The following NDRG2 variants were observed in gnomAD, a reference collection of about 807,000 sequenced individuals.
NDRG2 encodes the protein protein NDRG2.
In NDRG2, 34 loss-of-function variants were observed where a neutral mutation model predicts 58.2. That is an observed-to-expected ratio of 0.58 (90% confidence interval 0.44 to 0.78). The LOEUF (loss-of-function observed/expected upper bound fraction) is 0.78. NDRG2 is among the 30% of genes least tolerant of loss of function. The pLI is 0.00. For missense variants in NDRG2, 434 were observed against 471.2 expected, an observed-to-expected ratio of 0.92 and a Z score of 0.73; for synonymous variants, 187 against 175.9, an observed-to-expected ratio of 1.06 and a Z score of -0.50.
At chr14:21,021,596 C>A in intron 6 of NDRG2, 1 of 576,332 alleles carries the variant, frequency 1.7e-6, no homozygotes, top group Non-Finnish European at 3.1e-6. Context: ...AGCATAGACC[C>A]TTTTCCTTCC....
At chr14:21,056,838 G>A (rs1885696260) in intron 1 of NDRG2, among the ~76,000 whole-genome samples, 1 of 152,168 alleles carries the variant, frequency 6.6e-6, no homozygotes, top group Admixed American at 6.5e-5. Flanking sequence ...TTTAAAATGA[G>A]GGAGTCAACT....
intron 1 of NDRG2, chr14:21,032,037 G>T: frequency 1.2e-6 from 2 of 1,614,160 alleles, no homozygotes; most frequent in Non-Finnish European, 1.7e-6. Context: ...TATGTGAGTG[G>T]TTACAAGGGT....
chr14:21,023,427 A>G (rs1180137100), intron 1 of NDRG2, 106 bp from the exon 2 acceptor site: 8 of 1,038,222 alleles, frequency 7.7e-6, no homozygotes, highest in Non-Finnish European at 1.2e-5. Context: ...GAACAGAGGG[A>G]CCCAGGGGTT....
intron 1 of NDRG2, among the ~76,000 whole-genome samples, chr14:21,066,694 G>T (rs1886287518): frequency 6.6e-6 from 1 of 152,220 alleles, no homozygotes; most frequent in South Asian, 2.1e-4. Flanking sequence ...TTATCAGAAG[G>T]TAAGAGTGGA....
chr14:21,070,755 G>A lies in NDRG2; in HGVS notation c.24+73C>T, dbSNP rs1025754658. 39 of 1,491,592 alleles carry A rather than the reference G, an allele frequency of 2.6e-5. No individual in the cohort carries two copies. The highest frequency in any genetic ancestry group is 5.9e-5 in the Admixed American group (3 of 50,472). 92.4% of individuals were successfully genotyped at this position (1,491,592 alleles called of 1,614,324 possible). ...CCCTCCTGGTCCGAGCTCCTTACCC[G>A]CGGGAGACCCCTGCGGGTTGGTCCT... On this transcript the variant is annotated intron_variant, in intron 1 of 14. Coordinates refer to the NDRG2 transcript ENST00000403829. This position sits in a 1 kb window ranked among gnomAD's most constrained non-coding sequence, Gnocchi z 4.7.
intron 1 of NDRG2, among the ~76,000 whole-genome samples, chr14:21,047,611 C>T (rs1033058237): frequency 2.0e-5 from 3 of 152,136 alleles, no homozygotes; most frequent in South Asian, 2.1e-4. Context: ...AAGGAGAATG[C>T]TTAATTATGA....
At chr14:21,022,009 G>A (rs1022130385) in intron 5 of NDRG2, 53 bp downstream of exon 5, 80 of 1,612,866 alleles carry the variant, frequency 5.0e-5, no homozygotes, top group African/African-American at 2.1e-4. Flanking sequence ...AACCTTTCCC[G>A]CACCTGTCCT....
intron 1 of NDRG2, among the ~76,000 whole-genome samples, chr14:21,048,911 G>A (rs1434650158): frequency 6.6e-6 from 1 of 152,186 alleles, no homozygotes; most frequent in Non-Finnish European, 1.5e-5. Context: ...AGGACAATAT[G>A]TATTAGTTTC....
Position 21,022,199 on chromosome 14 carries a change from T to G in NDRG2, c.224-17A>C. ...AAGATTTATCTAAAGAGAACCCACA[T>G]CACCTCAACAATAGAATCAGACAGG... On this transcript the variant is annotated splice_polypyrimidine_tract_variant and intron_variant, in intron 4 of 15. Transcript: ENST00000556147. 2 of 1,614,078 alleles carry G rather than the reference T, an allele frequency of 1.2e-6. No individual in the cohort carries two copies. Among genetic ancestry groups the G allele is most frequent in the Non-Finnish European group, 8.5e-7 (1 of 1,180,022 alleles).
At chr14:21,023,219 G>T in intron 2 of NDRG2, 22 bp downstream of exon 2, 3 of 1,607,732 alleles carry the variant, frequency 1.9e-6, no homozygotes, top group Non-Finnish European at 2.6e-6. Flanking sequence ...TTGGGCATGG[G>T]AGTCAAACGG....
chr14:21,054,850 T>C (rs1238071062), intron 1 of NDRG2, among the ~76,000 whole-genome samples: 1 of 152,120 alleles, frequency 6.6e-6, no homozygotes, highest in Non-Finnish European at 1.5e-5. Context: ...TAAAATGAGG[T>C]TCTTTACTTT....
rs377203325 is a variant in NDRG2 at position 21,018,786 on chromosome 14, G to T, written c.790C>A (p.Gln264Lys). ...RCPVMLVVGD[Q>K]APHEDAVVEC... ...ACCACTGCATCTTCATGAGGTGCTT[G>T]GTCTCCTACCACCAGCATCACAGGA... is the stretch of plus-strand genomic sequence containing the variant. Residue 264 changes from glutamine (Q) to lysine (K), a missense_variant, in exon 12 of 16, where the codon CAA becomes AAA. Gln to Lys is a moderately conservative substitution (Grantham distance 53). Transcript: ENST00000556147. 1.5e-5 allele frequency: 24 copies of T among 1,614,018 alleles called. No homozygotes were observed. The highest frequency in any genetic ancestry group is 9.3e-5 in the African/African-American group (7 of 74,902).
Position 21,020,449 on chromosome 14 carries a change from C to G in NDRG2, c.555+47G>C, listed in dbSNP as rs370351476. 8.0e-6 allele frequency: 12 copies of G among 1,493,262 alleles called. No individual in the cohort carries two copies. In the South Asian group the frequency reaches 9.2e-5, roughly 11 times the overall value. 92.5% of individuals were successfully genotyped at this position (1,493,262 alleles called of 1,614,324 possible). A position where few individuals can be genotyped will look rare whatever the true frequency, so the allele number is the denominator to read the frequency against. The stretch of plus-strand genomic sequence containing the variant: ...CTACCAGAGCCTAACTGGATCCATA[C>G]GAGGGGATCCCCAACCGTAGGTCTC... On this transcript the variant is annotated intron_variant, in intron 8 of 15. Transcript: ENST00000556147.
chr14:21,054,314 G>C (rs1885587603), intron 1 of NDRG2, among the ~76,000 whole-genome samples: 1 of 141,884 alleles, frequency 7.0e-6, no homozygotes, highest in African/African-American at 2.6e-5. Context: ...TTTTTAGATA[G>C]ATTGATCACA....
At position 21,022,081 on chromosome 14, in the gene NDRG2, C is replaced by A; in HGVS notation, c.325G>T (p.Ala109Ser). 1 of 1,614,178 alleles carries A rather than the reference C, an allele frequency of 6.2e-7. No homozygotes were observed. Among genetic ancestry groups the A allele is most frequent in the Non-Finnish European group, 8.5e-7 (1 of 1,180,034 alleles). The change falls in exon 5 of 16, where the codon GCC (alanine) becomes TCC (serine). Residue 109 changes from alanine (A) to serine (S), a missense_variant. By Grantham distance (99) the Ala-to-Ser change is moderately conservative (BLOSUM62 1). Transcript: ENST00000556147. ...HVDAPGMEEG[A>S]PVFPLGYQYP... ...TCTTACCCCAAAGGGAACACAGGGG[C>A]TCCCTCTTCCATTCCAGGGGCATCC... is the stretch of plus-strand genomic sequence containing the variant.
Position 21,018,038 on chromosome 14 carries a change from G to A in NDRG2, c.898C>T (p.Pro300Ser). ...DSGGQPQLTQ[P>S]GKLTEAFKYF... ...TTGAAGGCCTCGGTCAGCTTGCCTG[G>A]CTGCGGAAGTAAGAAGAGGCGAGGG... is the stretch of plus-strand genomic sequence containing the variant. Residue 300 changes from proline (P) to serine (S), a missense_variant and splice_region_variant, in exon 15 of 16, where the codon CCA (proline) becomes TCA (serine). Physicochemically the swap from Pro to Ser is moderately conservative, Grantham distance 74. Coordinates refer to ENST00000556147, the MANE Select transcript of NDRG2 (RefSeq NM_001320329.2). 1 of 1,614,062 alleles carries A rather than the reference G, an allele frequency of 6.2e-7. No homozygotes were observed. The highest frequency in any genetic ancestry group is 1.7e-5 in the Admixed American group (1 of 60,026).
chr14:21,024,747 C>G lies in NDRG2; in HGVS notation c.-724G>C. On this transcript the variant is annotated 5_prime_UTR_variant, in exon 1 of 16. Transcript: ENST00000556147. ...GACCGGCCGGGCCCAGCACCCGGAA[C>G]CCGTCCCTACGAGTCCCTACGCAGC... The G allele has an allele frequency of 3.0e-6, 3 of 985,510 alleles. No individual in the cohort carries two copies. The African/African-American group carries it at 5.2e-5, about 17-fold the overall frequency. The allele number at this position is 985,510 out of a possible 1,614,324, so 61.0% of individuals were successfully genotyped here.
chr14:21,019,091 A>G, intron 11 of NDRG2, 25 bp downstream of exon 11: 2 of 1,582,292 alleles, frequency 1.3e-6, no homozygotes, highest in Non-Finnish European at 1.7e-6. Flanking sequence ...GGAGACAGGC[A>G]ATGCATTATC....
intron 1 of NDRG2, among the ~76,000 whole-genome samples, chr14:21,037,534 G>T (rs912313571): frequency 2.0e-5 from 3 of 152,246 alleles, no homozygotes; most frequent in Admixed American, 2.0e-4. Flanking sequence ...AGTTGCTACT[G>T]GCCTGTGGCC....
Sources: allele counts gnomAD v4.1 joint callset (sites outside exome capture counted in the v4.1 genomes callset), GRCh38; gene constraint gnomAD v4.1.1; non-coding constraint Gnocchi (gnomAD v3.1); transcripts MANE v1.5; gene names NCBI Gene and HGNC (gene_info 2026-07-23, HGNC 2026-07-21).